Variants in RASAL2 observed in about 807,000 individuals in gnomAD.
The protein encoded by RASAL2 is ras GTPase-activating protein nGAP.
RASAL2 carries 58 observed loss-of-function variants against 128.9 expected under a neutral mutation model. The ratio of observed to expected loss-of-function variants is 0.45; its 90% CI spans 0.36 to 0.56. RASAL2 has a LOEUF of 0.56. Among genes scored for constraint, RASAL2 ranks in the 20% least tolerant of loss-of-function variants. RASAL2 has a pLI of 0.00. For synonymous variants in RASAL2, 561 were observed against 580.8 expected, an observed-to-expected ratio of 0.97 and a Z score of 0.49; for missense variants, 1,360 against 1,601.6, an observed-to-expected ratio of 0.85 and a Z score of 2.57.
chr1:178,466,530 AAGGG>A (rs1647719430), intron 16 of RASAL2, among the ~76,000 whole-genome samples: 1 of 152,172 alleles, frequency 6.6e-6, no homozygotes, highest in Non-Finnish European at 1.5e-5. Context: ...AAGGGAGAAA[AAGGG>A]AGGGTCAGTT....
At chr1:178,136,313 C>T (rs533240884) in intron 1 of RASAL2, among the ~76,000 whole-genome samples, 18 of 152,290 alleles carry the variant, frequency 1.2e-4, no homozygotes, top group Admixed American at 9.8e-4. Context: ...TGAGTCTTTG[C>T]TTTACCTGTG....
intron 3 of RASAL2, among the ~76,000 whole-genome samples, chr1:178,311,493 C>T (rs1368310471): frequency 6.6e-6 from 1 of 152,070 alleles, no homozygotes; most frequent in East Asian, 1.9e-4. Context: ...AACTGTTCTT[C>T]CTACCTATAC....
intron 2 of RASAL2, among the ~76,000 whole-genome samples, chr1:178,284,098 A>G (rs1048524491): frequency 5.3e-5 from 8 of 152,212 alleles, no homozygotes; most frequent in Non-Finnish European, 1.2e-4. Flanking sequence ...TGTGGGCAGC[A>G]TAAAGGACCT....
chr1:178,110,701 C>T (rs188969981), intron 1 of RASAL2, among the ~76,000 whole-genome samples: 1 of 146,782 alleles, frequency 6.8e-6, no homozygotes, highest in Non-Finnish European at 1.5e-5. Flanking sequence ...TATTCTCATG[C>T]CTCAGCCTCC....
At chr1:178,220,336 A>G (rs1663572765) in intron 1 of RASAL2, among the ~76,000 whole-genome samples, 1 of 149,822 alleles carries the variant, frequency 6.7e-6, no homozygotes, top group African/African-American at 2.4e-5. Flanking sequence ...GAGGCAAGGA[A>G]TGGCCAGTTG....
At chr1:178,315,069 T>C (rs1201376235) in intron 3 of RASAL2, among the ~76,000 whole-genome samples, 4 of 148,060 alleles carry the variant, frequency 2.7e-5, no homozygotes, top group Non-Finnish European at 5.9e-5. Flanking sequence ...GATAGTTTAC[T>C]GAGAATGATG....
intron 1 of RASAL2, among the ~76,000 whole-genome samples, chr1:178,195,771 A>G (rs1157962789): frequency 2.0e-5 from 3 of 152,160 alleles, no homozygotes; most frequent in Non-Finnish European, 4.4e-5. Context: ...AGATAGATCT[A>G]TTGAAAGCAT....
chr1:178,185,295 G>A (rs752514941), intron 1 of RASAL2, among the ~76,000 whole-genome samples: 1 of 151,546 alleles, frequency 6.6e-6, no homozygotes, highest in Non-Finnish European at 1.5e-5. Flanking sequence ...TGCAAATAAA[G>A]GCAGGTTTAT....
chr1:178,462,983 A>T lies in RASAL2; in HGVS notation c.3253-1295A>T, dbSNP rs558822539. Among the ~76,000 whole-genome samples, 29 of 152,238 alleles carry T rather than the reference A, an allele frequency of 1.9e-4. No homozygotes were observed. In the East Asian group the frequency reaches 3.5e-3, roughly 18 times the overall value. ...TAAAGTCTCTCCCAACCCATCTCTG[A>T]TAGCCTTTTAGTCTCTGCAATCAGT... is the stretch of plus-strand genomic sequence containing the variant. On this transcript the variant is annotated intron_variant, in intron 14 of 17. Coordinates refer to ENST00000367649, the MANE Select transcript of RASAL2 (RefSeq NM_170692.4).
intron 1 of RASAL2, among the ~76,000 whole-genome samples, chr1:178,258,311 AGAC>A (rs1665484076): frequency 6.6e-6 from 1 of 151,044 alleles, no homozygotes; most frequent in Non-Finnish European, 1.5e-5. Flanking sequence ...AAAAAAAAAA[AGAC>A]GACAGTGAAA....
At chr1:178,439,737 ATC>A (rs1676497667) in intron 6 of RASAL2, among the ~76,000 whole-genome samples, 162 bp downstream of exon 6, 1 of 152,170 alleles carries the variant, frequency 6.6e-6, no homozygotes, top group African/African-American at 2.4e-5. Flanking sequence ...AAATCTTTTC[ATC>A]TAATCATATT....
At chr1:178,257,490 G>A (rs1665425730) in intron 1 of RASAL2, among the ~76,000 whole-genome samples, 4 of 150,070 alleles carry the variant, frequency 2.7e-5, no homozygotes, top group East Asian at 2.0e-4. Flanking sequence ...AAAACTAATT[G>A]ATTTTCGACA....
At chr1:178,189,414 C>G (rs568180818) in intron 1 of RASAL2, among the ~76,000 whole-genome samples, 1 of 152,232 alleles carries the variant, frequency 6.6e-6, no homozygotes, top group South Asian at 2.1e-4. Context: ...CCAAAGTAAA[C>G]CAGAGAATTC....
At chr1:178,263,845 C>T (rs1252002895) in intron 1 of RASAL2, among the ~76,000 whole-genome samples, 1 of 152,156 alleles carries the variant, frequency 6.6e-6, no homozygotes, top group Non-Finnish European at 1.5e-5. Flanking sequence ...CATATGCCAC[C>T]ATGCTGGGCC....
At chr1:178,437,873 T>TA (rs1324584850) in intron 5 of RASAL2, among the ~76,000 whole-genome samples, 1 of 152,072 alleles carries the variant, frequency 6.6e-6, no homozygotes, top group East Asian at 1.9e-4. Flanking sequence ...CTTACATTGT[T>TA]ATATTTTTCT....
intron 1 of RASAL2, among the ~76,000 whole-genome samples, chr1:178,216,863 G>A (rs1381671289): frequency 6.6e-6 from 1 of 152,218 alleles, no homozygotes; most frequent in Non-Finnish European, 1.5e-5. Context: ...AGTGTTCAAA[G>A]GTTGAAGCAA....
Position 178,473,286 on chromosome 1 carries a change from C to G in RASAL2, c.*47C>G, listed in dbSNP as rs1338965286. ...GACAGAAGGAAATTGACCCACTCTCCTATCTCCAGACCTTTACCTAGCCCC... is the reference window on the plus strand; with the variant it reads ...GACAGAAGGAAATTGACCCACTCTCGTATCTCCAGACCTTTACCTAGCCCC... On this transcript the variant is annotated 3_prime_UTR_variant, in exon 18 of 18. Transcript: ENST00000367649. 2 of 1,606,732 alleles carry G rather than the reference C, an allele frequency of 1.2e-6. No individual in the cohort carries two copies. Among genetic ancestry groups the G allele is most frequent in the South Asian group, 2.2e-5 (2 of 90,754 alleles).
chr1:178,334,743 A>G (rs1486396788), intron 3 of RASAL2, among the ~76,000 whole-genome samples: 1 of 152,248 alleles, frequency 6.6e-6, no homozygotes, highest in Non-Finnish European at 1.5e-5. Flanking sequence ...TGGACCCATG[A>G]GGTCAAGAGA....
chr1:178,218,708 A>G (rs544971078), intron 1 of RASAL2, among the ~76,000 whole-genome samples: 1 of 152,368 alleles, frequency 6.6e-6, no homozygotes, highest in African/African-American at 2.4e-5. Flanking sequence ...TCAGTTTGCC[A>G]TGCTTAAAAC....
Sources: allele counts gnomAD v4.1 joint callset (sites outside exome capture counted in the v4.1 genomes callset), GRCh38; gene constraint gnomAD v4.1.1; transcripts MANE v1.5; gene names NCBI Gene and HGNC (gene_info 2026-07-23, HGNC 2026-07-21).